The following BCL11B variants were observed in gnomAD, a reference collection of about 807,000 sequenced individuals.
BCL11B encodes the protein BCL11 transcription factor B.
A neutral mutation model predicts 49.9 loss-of-function variants in BCL11B; 8 were observed. The observed-to-expected ratio is 0.16, with a 90% CI of 0.09 to 0.29. The LOEUF (loss-of-function observed/expected upper bound fraction) is 0.29. BCL11B is among the 10% of genes least tolerant of loss of function. The pLI, the probability that BCL11B is intolerant of heterozygous loss-of-function variation, is 1.00. For synonymous variants in BCL11B, 739 were observed against 637.4 expected (o/e 1.16, Z -2.40); for missense variants, 1,006 against 1,351.0 (o/e 0.74, Z 4.00).
At position 99,213,915 on chromosome 14, in the gene BCL11B, C is replaced by T. The variant is rs931586306; in HGVS notation, c.640+17430G>A. 1.3e-5 allele frequency among the ~76,000 whole-genome samples: 2 copies of T among 152,188 alleles called. No homozygotes were observed. The highest frequency in any genetic ancestry group is 2.9e-5 in the Non-Finnish European group (2 of 68,026). The stretch of plus-strand genomic sequence containing the variant: ...GAACACTCAAGGTGACACATCCCAG[C>T]CCTCCGGTGCTCCTCCGAGAGGCTT... On this transcript the variant is annotated intron_variant, in intron 3 of 3. Transcript: ENST00000357195. This position sits in a 1 kb window ranked among gnomAD's most constrained non-coding sequence, Gnocchi z 5.1.
At position 99,220,835 on chromosome 14, in the gene BCL11B, T is replaced by C. The variant is rs555936998; in HGVS notation, c.640+10510A>G. The stretch of plus-strand genomic sequence containing the variant: ...CAGCACACAGTGGACCCTTGATCAA[T>C]GGTATTTTTTATTTTATTTATTTTT... On this transcript the variant is annotated intron_variant, in intron 3 of 3. Transcript: ENST00000357195. 5.9e-5 allele frequency among the ~76,000 whole-genome samples: 9 copies of C among 152,208 alleles called. No individual in the cohort carries two copies. In the South Asian group the frequency reaches 1.9e-3, roughly 32 times the overall value.
chr14:99,226,060 T>C (rs1888152207), intron 3 of BCL11B, among the ~76,000 whole-genome samples: 1 of 152,218 alleles, frequency 6.6e-6, no homozygotes, highest in Non-Finnish European at 1.5e-5. Flanking sequence ...TCAACAGCGC[T>C]TGCACGCCAG....
chr14:99,257,834 C>T lies in BCL11B; in HGVS notation c.64G>A (p.Ala22Thr). 6.5e-7 allele frequency: 1 copy of T among 1,528,696 alleles called. No individual in the cohort carries two copies. The highest frequency in any genetic ancestry group is 8.8e-7 in the Non-Finnish European group (1 of 1,134,946). 94.7% of individuals were successfully genotyped at this position (1,528,696 alleles called of 1,614,324 possible). A position where few individuals can be genotyped will look rare whatever the true frequency, so the allele number is the denominator to read the frequency against. Residue 22 changes from alanine (A) to threonine (T), a missense_variant, in exon 2 of 4, where the codon GCT becomes ACT. Coordinates refer to ENST00000357195, the MANE Select transcript of BCL11B (RefSeq NM_138576.4). The surrounding 1 kb of genome is among the most constrained non-coding windows in gnomAD (Gnocchi z 6.2). ...LSQRELITPE[A>T]DHVEAAILEE... is the part of the protein sequence containing the mutation. ...AGGATGGCGGCCTCCACATGGTCAG[C>T]CTCTGCTGGAGACAGAAAGAAGAAA...
intron 1 of BCL11B, among the ~76,000 whole-genome samples, chr14:99,267,047 G>GC (rs1889503919): frequency 6.6e-6 from 1 of 151,872 alleles, no homozygotes; most frequent in Non-Finnish European, 1.5e-5. Flanking sequence ...CCAAAGTTGG[G>GC]CTTCCCTTGG....
At chr14:99,180,483 G>A (rs1566797460) in intron 3 of BCL11B, among the ~76,000 whole-genome samples, 1 of 152,146 alleles carries the variant, frequency 6.6e-6, no homozygotes, top group Non-Finnish European at 1.5e-5. Context: ...CCTGGGTCAT[G>A]AGAACCCTGG....
Position 99,171,576 on chromosome 14 carries a change from G to T in BCL11B, c.*2575C>A, listed in dbSNP as rs980253442. 4.7e-6 allele frequency: 1 copy of T among 213,122 alleles called. No individual in the cohort carries two copies. The highest frequency in any genetic ancestry group is 7.0e-5 in the East Asian group (1 of 14,206). 13.2% of individuals were successfully genotyped at this position (213,122 alleles called of 1,614,324 possible). A position where few individuals can be genotyped will look rare whatever the true frequency, so the allele number is the denominator to read the frequency against. ...CAATATATCCATTCCAGAGGGAGGC[G>T]GGAAGAGAAAAATAAGTACAGGTCA... On this transcript the variant is annotated 3_prime_UTR_variant, in exon 4 of 4. Transcript: ENST00000357195.
intron 3 of BCL11B, among the ~76,000 whole-genome samples, chr14:99,227,435 G>A (rs1251037054): frequency 1.3e-5 from 2 of 152,134 alleles, no homozygotes; most frequent in African/African-American, 4.8e-5. Context: ...GGGCAGAACA[G>A]CCTTCACCCC....
chr14:99,264,348 CA>C (rs1367327920), intron 1 of BCL11B: 5 of 151,048 alleles, frequency 3.3e-5, no homozygotes, highest in African/African-American at 1.2e-4. Flanking sequence ...ATGTTAATCA[CA>C]ATAATATTGG....
intron 2 of BCL11B, among the ~76,000 whole-genome samples, chr14:99,250,471 CTCTT>C (rs1888976690): frequency 6.6e-6 from 1 of 152,098 alleles, no homozygotes; most frequent in African/African-American, 2.4e-5. Context: ...AAAACTCCAT[CTCTT>C]TGTTTCCTCA....
At position 99,174,919 on chromosome 14, in the gene BCL11B, C is replaced by T; in HGVS notation, c.1917G>A (p.Ala639=). The T allele has an allele frequency of 2.5e-6, 3 of 1,211,868 alleles. No homozygotes were observed. The African/African-American group carries it at 5.0e-5, about 20-fold the overall frequency. The allele number at this position is 1,211,868 out of a possible 1,614,324, so 75.1% of individuals were successfully genotyped here. A position where few individuals can be genotyped will look rare whatever the true frequency, so the allele number is the denominator to read the frequency against. The change falls in exon 4 of 4, where the codon GCG becomes GCA. Residue 639 remains alanine (A), a synonymous_variant. Transcript: ENST00000357195. The part of the protein sequence containing the change: ...GGGDAGDDDD[A]GGCGDAGAGG... Reference sequence around the variant, plus strand: ...CCGCGCCCGCGTCCCCGCAGCCGCCCGCGTCGTCGTCGTCGCCCGCGTCCC... The same window carrying T: ...CCGCGCCCGCGTCCCCGCAGCCGCCTGCGTCGTCGTCGTCGCCCGCGTCCC...
chr14:99,176,107 C>A lies in BCL11B; in HGVS notation c.729G>T (p.Thr243=). 2.5e-6 allele frequency: 4 copies of A among 1,610,672 alleles called. No individual in the cohort carries two copies. Among genetic ancestry groups the A allele is most frequent in the Non-Finnish European group, 3.4e-6 (4 of 1,178,474 alleles). Residue 243 remains threonine, a synonymous_variant, in exon 4 of 4, where the codon ACG becomes ACT. Transcript: ENST00000357195. ...AWFLLQHAQN[T]HGFRIYLEPG... Reference sequence around the variant, plus strand: ...GCTCCAGGTAGATGCGGAAGCCGTGCGTGTTCTGCGCGTGCTGCAGCAGGA... The same window carrying A: ...GCTCCAGGTAGATGCGGAAGCCGTGAGTGTTCTGCGCGTGCTGCAGCAGGA...
At chr14:99,227,228 T>C (rs556590750) in intron 3 of BCL11B, among the ~76,000 whole-genome samples, 4 of 152,306 alleles carry the variant, frequency 2.6e-5, no homozygotes, top group Non-Finnish European at 5.9e-5. Flanking sequence ...TGACAGAGTC[T>C]CAATGTCGTG....
intron 3 of BCL11B, among the ~76,000 whole-genome samples, chr14:99,197,184 T>C (rs978047857): frequency 6.6e-6 from 1 of 152,136 alleles, no homozygotes; most frequent in Non-Finnish European, 1.5e-5. Flanking sequence ...TTTGCTAACA[T>C]GGTCTGAATT....
At chr14:99,200,602 CG>C (rs1887350673) in intron 3 of BCL11B, among the ~76,000 whole-genome samples, 1 of 152,230 alleles carries the variant, frequency 6.6e-6, no homozygotes, top group Non-Finnish European at 1.5e-5. Context: ...GGCAGCGAGG[CG>C]GGGCATCTCT....
At chr14:99,180,162 G>A (rs559493769) in intron 3 of BCL11B, among the ~76,000 whole-genome samples, 25 of 152,224 alleles carry the variant, frequency 1.6e-4, no homozygotes, top group Non-Finnish European at 2.8e-4. Flanking sequence ...TGTGGAGAGG[G>A]GTGACAACTT....
intron 3 of BCL11B, among the ~76,000 whole-genome samples, chr14:99,198,367 T>C (rs996566493): frequency 6.6e-6 from 1 of 152,220 alleles, no homozygotes; most frequent in Admixed American, 6.5e-5. Context: ...GGCTGAGCTC[T>C]TGCTGTATAC....
At chr14:99,199,370 T>C (rs181526272) in intron 3 of BCL11B, among the ~76,000 whole-genome samples, 5 of 152,350 alleles carry the variant, frequency 3.3e-5, no homozygotes, top group Non-Finnish European at 7.3e-5. Flanking sequence ...AATCTGGGTT[T>C]ACCTTTCCCA....
intron 3 of BCL11B, among the ~76,000 whole-genome samples, chr14:99,203,173 CCCG>C (rs1887436111): frequency 6.6e-6 from 1 of 152,156 alleles, no homozygotes; most frequent in African/African-American, 2.4e-5. Context: ...CCCATGTGTT[CCCG>C]TTCTCGTTCC....
At chr14:99,246,662 C>T (rs1185330519) in intron 2 of BCL11B, among the ~76,000 whole-genome samples, 42 of 152,184 alleles carry the variant, frequency 2.8e-4, no homozygotes, top group Non-Finnish European at 2.9e-5. Flanking sequence ...ATTGTGTTCT[C>T]CTGTGTGGCA....
Sources: allele counts gnomAD v4.1 joint callset (sites outside exome capture counted in the v4.1 genomes callset), GRCh38; gene constraint gnomAD v4.1.1; non-coding constraint Gnocchi (gnomAD v3.1); transcripts MANE v1.5; gene names NCBI Gene and HGNC (gene_info 2026-07-23, HGNC 2026-07-21).